The following FOCAD variants were observed in gnomAD, a reference collection of about 807,000 sequenced individuals.
FOCAD encodes KIAA1797.
A neutral mutation model predicts 225.6 loss-of-function variants in FOCAD; 198 were observed. The observed-to-expected ratio is 0.88, with a 90% CI of 0.78 to 0.99. FOCAD has a LOEUF of 0.99. FOCAD is among the 50% of genes least tolerant of loss of function. The pLI, the probability that FOCAD is intolerant of heterozygous loss-of-function variation, is 0.00. For synonymous variants in FOCAD, 897 were observed against 755.0 expected (o/e 1.19, Z -3.08); for missense variants, 2,713 against 2,123.6 (o/e 1.28, Z -5.46).
intron 10 of FOCAD, among the ~76,000 whole-genome samples, chr9:20,788,811 C>G (rs955382870): frequency 3.9e-5 from 6 of 152,136 alleles, no homozygotes; most frequent in African/African-American, 1.4e-4. Flanking sequence ...TTAGAGCTGT[C>G]AGGCCATTTC....
intron 19 of FOCAD, chr9:20,875,836 T>A (rs1830181754): frequency 6.6e-6 from 1 of 152,198 alleles, no homozygotes. Context: ...AGTGATTTAT[T>A]GTGATTAAGT....
At chr9:20,901,523 GAATAAGCATATTTGTTAAGATCACTC>G (rs1355094451) in intron 21 of FOCAD, among the ~76,000 whole-genome samples, 57 of 151,868 alleles carry the variant, frequency 3.8e-4, no homozygotes, top group Non-Finnish European at 4.3e-4. Flanking sequence ...CTTGTAGATG[GAATAAGCATATTTGTTAAGATCACTC>G]AAGAGGTGGA....
At chr9:20,893,337 A>G (rs1831791931) in intron 21 of FOCAD, among the ~76,000 whole-genome samples, 1 of 99,508 alleles carries the variant, frequency 1.0e-5, no homozygotes, top group Non-Finnish European at 2.2e-5. Context: ...TTATTGGATT[A>G]TTAGCTTTAA....
At chr9:20,662,343 C>G (rs1001431967) in intron 2 of FOCAD, among the ~76,000 whole-genome samples, 1 of 152,158 alleles carries the variant, frequency 6.6e-6, no homozygotes, top group African/African-American at 2.4e-5. Flanking sequence ...CTGTCAGCTC[C>G]TTTAGGGTCA....
intron 5 of FOCAD, among the ~76,000 whole-genome samples, chr9:20,748,572 G>T (rs1160754650): frequency 1.3e-5 from 2 of 152,060 alleles, no homozygotes; most frequent in Admixed American, 6.6e-5. Flanking sequence ...AGATGGGAAA[G>T]GATGTAGTCA....
At chr9:20,816,209 A>G (rs1199474323) in intron 11 of FOCAD, among the ~76,000 whole-genome samples, 3 of 152,138 alleles carry the variant, frequency 2.0e-5, no homozygotes, top group Non-Finnish European at 4.4e-5. Context: ...CATTTGTTTA[A>G]AAGTCACACA....
intron 11 of FOCAD, among the ~76,000 whole-genome samples, chr9:20,799,495 G>T (rs760944670): frequency 1.3e-5 from 2 of 152,060 alleles, no homozygotes; most frequent in Non-Finnish European, 2.9e-5. Flanking sequence ...TCTCTTTCTA[G>T]GTCTCTAAGG....
chr9:20,957,673 C>CTCTTTTTTTTT (rs1361017091), intron 35 of FOCAD: 1 of 38,422 alleles, frequency 2.6e-5, no homozygotes, highest in African/African-American at 1.1e-4. Flanking sequence ...ATCTCTCTCT[C>CTCTTTTTTTTT]TTTTTTTTTT....
chr9:20,713,472 A>G (rs1563904123), intron 1 of FOCAD, among the ~76,000 whole-genome samples: 2 of 152,230 alleles, frequency 1.3e-5, no homozygotes. Context: ...TTTAAAATGG[A>G]AAGTGTGCAC....
At chr9:20,860,580 G>A (rs530164781) in intron 15 of FOCAD, among the ~76,000 whole-genome samples, 26 of 152,240 alleles carry the variant, frequency 1.7e-4, no homozygotes, top group African/African-American at 4.8e-4. Flanking sequence ...GCCCAGGCTC[G>A]AGTGCAGAGG....
chr9:20,762,813 T>TTC (rs1182960875), intron 6 of FOCAD, among the ~76,000 whole-genome samples: 1 of 130,198 alleles, frequency 7.7e-6, no homozygotes, highest in Non-Finnish European at 1.8e-5. Flanking sequence ...TTTCAGCCCT[T>TTC]GCCCCTCCTT....
At chr9:20,944,046 AG>A (rs1836929956) in intron 28 of FOCAD, among the ~76,000 whole-genome samples, 1 of 152,242 alleles carries the variant, frequency 6.6e-6, no homozygotes, top group Non-Finnish European at 1.5e-5. Flanking sequence ...GCAAGATCAG[AG>A]GGGAGAGAAG....
intron 21 of FOCAD, among the ~76,000 whole-genome samples, chr9:20,905,947 T>A (rs1047999034): frequency 1.3e-5 from 2 of 151,132 alleles, no homozygotes; most frequent in African/African-American, 2.4e-5. Context: ...TTTTTTTTTT[T>A]AAAAACAGCA....
chr9:20,933,651 A>G (rs533051886), intron 28 of FOCAD, among the ~76,000 whole-genome samples: 4 of 152,066 alleles, frequency 2.6e-5, no homozygotes, highest in Non-Finnish European at 2.9e-5. Flanking sequence ...CGTTTTTGCA[A>G]TTGTGAATTG....
chr9:20,933,838 T>C (rs1006518933), intron 28 of FOCAD, among the ~76,000 whole-genome samples: 25 of 152,194 alleles, frequency 1.6e-4, no homozygotes, highest in Non-Finnish European at 3.1e-4. Context: ...ACTAGCAGTG[T>C]AGAAGTGTTC....
chr9:20,837,893 T>TTA (rs2131545150), intron 15 of FOCAD, among the ~76,000 whole-genome samples: 1 of 152,188 alleles, frequency 6.6e-6, no homozygotes, highest in East Asian at 1.9e-4. Flanking sequence ...AAAACTCTAG[T>TTA]GATACCAAAT....
intron 21 of FOCAD, 61 bp downstream of exon 21, chr9:20,885,291 G>C: frequency 7.6e-7 from 1 of 1,320,968 alleles, no homozygotes; most frequent in Non-Finnish European, 9.8e-7. Flanking sequence ...ATATGTTTAA[G>C]AAGTTGTTTG....
At chr9:20,931,452 C>A (rs1254265939) in intron 27 of FOCAD, among the ~76,000 whole-genome samples, 2 of 152,100 alleles carry the variant, frequency 1.3e-5, no homozygotes, top group Non-Finnish European at 2.9e-5. Flanking sequence ...AAATATTTGC[C>A]TTTTGATACT....
chr9:20,991,089 G>C (rs1436005394), intron 42 of FOCAD, among the ~76,000 whole-genome samples: 1 of 152,212 alleles, frequency 6.6e-6, no homozygotes, highest in Non-Finnish European at 1.5e-5. Flanking sequence ...ATTGCGTCAT[G>C]TTGAGGGCTT....
Sources: gnomAD v4.1 joint callset for allele counts (sites outside exome capture counted in the v4.1 genomes callset) on GRCh38, gnomAD v4.1.1 for gene constraint, MANE v1.5 for transcripts, NCBI Gene and HGNC (gene_info 2026-07-23, HGNC 2026-07-21) for gene names.